Variants in NUCB2 observed in about 807,000 individuals in gnomAD.
NUCB2 encodes nucleobindin 2.
Under a neutral mutation model 57.9 loss-of-function variants are expected in NUCB2, and 48 were observed. The observed-to-expected ratio is 0.83, with a 90% CI of 0.66 to 1.05. The LOEUF (loss-of-function observed/expected upper bound fraction) is 1.05. Ranked by LOEUF, NUCB2 falls within the 50% of genes least tolerant of loss-of-function variation. The pLI, the probability that NUCB2 is intolerant of heterozygous loss-of-function variation, is 0.00. For synonymous variants in NUCB2, 139 were observed against 152.1 expected, an observed-to-expected ratio of 0.91 and a Z score of 0.64; for missense variants, 442 against 476.2, an observed-to-expected ratio of 0.93 and a Z score of 0.67.
intron 2 of NUCB2, among the ~76,000 whole-genome samples, chr11:17,339,033 G>T (rs927946751): frequency 5.3e-5 from 8 of 151,236 alleles, no homozygotes; most frequent in Non-Finnish European, 2.9e-5. Context: ...TGTTGCCCAG[G>T]CTGGAGTGCA....
At chr11:17,280,035 T>C (rs1222091511) in intron 1 of NUCB2, among the ~76,000 whole-genome samples, 1 of 152,142 alleles carries the variant, frequency 6.6e-6, no homozygotes, top group Non-Finnish European at 1.5e-5. Context: ...TCAAGCGATC[T>C]GCCTGTCTTG....
chr11:17,325,510 G>C (rs974372662), intron 11 of NUCB2, among the ~76,000 whole-genome samples: 2 of 151,886 alleles, frequency 1.3e-5, no homozygotes, highest in African/African-American at 4.8e-5. Flanking sequence ...CTCTTTTTTG[G>C]TTTCCATTGG....
At chr11:17,324,681 A>T (rs907112307) in intron 11 of NUCB2, among the ~76,000 whole-genome samples, 1 of 152,148 alleles carries the variant, frequency 6.6e-6, no homozygotes, top group Admixed American at 6.5e-5. Context: ...TGATCCGCCC[A>T]CCTTGGCTTC....
intron 2 of NUCB2, among the ~76,000 whole-genome samples, chr11:17,288,954 T>C (rs868153203): frequency 0.052 from 2,679 of 51,610 alleles, 202 homozygotes; most frequent in Non-Finnish European, 0.056. Context: ...CACACACATA[T>C]ATATATATAT....
intron 11 of NUCB2, among the ~76,000 whole-genome samples, chr11:17,326,734 G>C (rs187113383): frequency 4.1e-4 from 63 of 152,290 alleles, no homozygotes; most frequent in Non-Finnish European, 8.1e-4. Flanking sequence ...GTCAAGAGAA[G>C]TTTATATACG....
chr11:17,301,905 C>A (rs757376901), intron 5 of NUCB2, 35 bp downstream of exon 5: 1 of 1,562,472 alleles, frequency 6.4e-7, no homozygotes, highest in Middle Eastern at 1.7e-4. Context: ...TTTTTTTTTT[C>A]TTTTTTCCTT....
In NUCB2 at chr11:17,312,069, G is replaced by A; in HGVS notation, c.861G>A (p.Met287Ile). 1.9e-6 allele frequency: 3 copies of A among 1,590,724 alleles called. No homozygotes were observed. The highest frequency in any genetic ancestry group is 2.6e-6 in the Non-Finnish European group (3 of 1,168,422). ...VYDPKNEEDD[M>I]VEMEEERLRM... ...ACCCTAAAAATGAAGAGGATGATATGGTAGAAATGGAAGAAGAAAGGCTTA... is the reference window on the plus strand; with the variant it reads ...ACCCTAAAAATGAAGAGGATGATATAGTAGAAATGGAAGAAGAAAGGCTTA... Residue 287 changes from methionine to isoleucine, a missense_variant, in exon 10 of 14, where the codon ATG (methionine) becomes ATA (isoleucine). By Grantham distance (10) the Met-to-Ile change is conservative. Coordinates refer to ENST00000529010, the MANE Select transcript of NUCB2 (RefSeq NM_005013.4).
At chr11:17,325,338 A>G (rs1051199557) in intron 11 of NUCB2, among the ~76,000 whole-genome samples, 3 of 152,150 alleles carry the variant, frequency 2.0e-5, no homozygotes, top group African/African-American at 7.2e-5. Context: ...TAGCTCTAAT[A>G]ATATTTGCTT....
chr11:17,330,068 A>G lies in NUCB2; in HGVS notation c.1003-59A>G, dbSNP rs1396470407. 1.0e-6 allele frequency: 1 copy of G among 966,794 alleles called. No homozygotes were observed. The highest frequency in any genetic ancestry group is 1.5e-6 in the Non-Finnish European group (1 of 661,510). 59.9% of individuals were successfully genotyped at this position (966,794 alleles called of 1,614,324 possible). ...TTGCTAACCATAGAATTTTAAAGCTAAATCAGACTTTATTGTTGTAGTTTT... is the reference window on the plus strand; with the variant it reads ...TTGCTAACCATAGAATTTTAAAGCTGAATCAGACTTTATTGTTGTAGTTTT... On this transcript the variant is annotated intron_variant, in intron 11 of 13. Coordinates refer to ENST00000529010, the MANE Select transcript of NUCB2 (RefSeq NM_005013.4). The surrounding 1 kb of genome is among the most constrained non-coding windows in gnomAD (Gnocchi z 4.3).
chr11:17,333,770 A>T (rs940446850), downstream of NUCB2: 5 of 152,198 alleles, frequency 3.3e-5, no homozygotes, highest in Admixed American at 2.0e-4. Context: ...CTTTACTTAT[A>T]AATGTTTCAG....
intron 1 of NUCB2, among the ~76,000 whole-genome samples, chr11:17,279,512 T>G (rs1942089018): frequency 6.6e-6 from 1 of 152,186 alleles, no homozygotes; most frequent in South Asian, 2.1e-4. Context: ...GTACCAACCC[T>G]TATATACGCT....
rs980510878 is a variant in NUCB2, at chr11:17,281,160, TTCTC to T, written c.-155-1627_-155-1624del. ...TATTTATTTTTTTTAGACAGGGTCTTTCTCTGTCATCCAGGCTGGAGTACATTGG... is the reference window on the plus strand; with the variant it reads ...TATTTATTTTTTTTAGACAGGGTCTTTGTCATCCAGGCTGGAGTACATTGG... On this transcript the variant is annotated intron_variant, in intron 1 of 13. Coordinates refer to ENST00000529010, the MANE Select transcript of NUCB2 (RefSeq NM_005013.4). Among the ~76,000 whole-genome samples the T allele has an allele frequency of 1.2e-3, 188 of 152,278 alleles. 1 individual carries two copies. The highest frequency in any genetic ancestry group is 4.4e-3 in the African/African-American group (182 of 41,554).
Position 17,295,355 on chromosome 11 carries a change from G to T in NUCB2, c.32G>T (p.Cys11Phe), listed in dbSNP as rs975144268. Residue 11 changes from cysteine to phenylalanine, a missense_variant, in exon 3 of 14, where the codon TGC becomes TTC. Physicochemically the swap from Cys to Phe is radical, Grantham distance 205. Coordinates refer to ENST00000529010, the MANE Select transcript of NUCB2 (RefSeq NM_005013.4). The stretch of plus-strand genomic sequence containing the variant: ...TGGAGGACCATCCTGCTACAGTATT[G>T]CTTTCTCTTGATTACATGTTTACTT... MRWRTILLQYCFLLITCLLTA... is the reference protein window; with the variant it reads MRWRTILLQYFFLLITCLLTA... 1.1e-5 allele frequency: 18 copies of T among 1,612,158 alleles called. No individual in the cohort carries two copies. In the East Asian group the frequency reaches 3.8e-4, roughly 34 times the overall value.
At chr11:17,344,361 A>G (rs1952546055) in intron 2 of NUCB2, among the ~76,000 whole-genome samples, 1 of 152,224 alleles carries the variant, frequency 6.6e-6, no homozygotes. Flanking sequence ...ATCTCTGGTT[A>G]GGAGAAAAGT....
chr11:17,335,642 C>T (rs995054861), downstream of NUCB2, among the ~76,000 whole-genome samples: 1 of 152,154 alleles, frequency 6.6e-6, no homozygotes, highest in South Asian at 2.1e-4. Context: ...GCTGGGATTA[C>T]AGGCACCTGC....
Position 17,330,399 on chromosome 11 carries a change from C to A in NUCB2, c.1173+102C>A. On this transcript the variant is annotated intron_variant, in intron 12 of 13. Coordinates refer to ENST00000529010, the MANE Select transcript of NUCB2 (RefSeq NM_005013.4). This position sits in a 1 kb window ranked among gnomAD's most constrained non-coding sequence, Gnocchi z 4.3. The stretch of plus-strand genomic sequence containing the variant: ...TTTCATTGTACTATATAGTACACTG[C>A]TATAGCTATACTATAGTATTTTAAA... The A allele has an allele frequency of 1.4e-5, 9 of 651,130 alleles. No homozygotes were observed. Among genetic ancestry groups the A allele is most frequent in the Non-Finnish European group, 2.0e-5 (8 of 397,944 alleles). The allele number at this position is 651,130 out of a possible 1,614,324, so 40.3% of individuals were successfully genotyped here. A position where few individuals can be genotyped will look rare whatever the true frequency, so the allele number is the denominator to read the frequency against.
chr11:17,326,311 G>GTTTTTTTT (rs60955119), intron 11 of NUCB2, among the ~76,000 whole-genome samples: 7 of 71,282 alleles, frequency 9.8e-5, no homozygotes, highest in Non-Finnish European at 1.4e-4. Flanking sequence ...CATTGTTACC[G>GTTTTTTTT]TTTTTTTTTT....
rs767768972 is a variant in NUCB2 at position 17,301,762 on chromosome 11, G to T, written c.271G>T (p.Glu91Ter). ...TTAACAGAGTGGGAGGCTAAGCAAA[G>T]AACTGGATTTAGTAAGTCACCATGT... is the stretch of plus-strand genomic sequence containing the variant. The part of the protein sequence containing the change: ...EEIKSGRLSK[E>*]LDLVSHHVRT... The change falls in exon 5 of 14, where the codon GAA becomes TAA. Residue 91 changes from glutamate to a stop codon, truncating the protein, a stop_gained. Coordinates refer to ENST00000529010, the MANE Select transcript of NUCB2 (RefSeq NM_005013.4). LOFTEE classifies it high-confidence loss of function. The T allele has an allele frequency of 1.9e-6, 3 of 1,609,258 alleles. No homozygotes were observed. The highest frequency in any genetic ancestry group is 2.6e-6 in the Non-Finnish European group (3 of 1,175,606).
At chr11:17,321,201 T>TG (rs1949972088) in intron 11 of NUCB2, among the ~76,000 whole-genome samples, 2 of 136,564 alleles carry the variant, frequency 1.5e-5, no homozygotes, top group Admixed American at 7.4e-5. Flanking sequence ...TTATTCATTC[T>TG]ATTTTTTTTT....
Sources: gnomAD v4.1 joint callset for allele counts (sites outside exome capture counted in the v4.1 genomes callset) on GRCh38, gnomAD v4.1.1 for gene constraint, Gnocchi (gnomAD v3.1) non-coding constraint, MANE v1.5 for transcripts, NCBI Gene and HGNC (gene_info 2026-07-23, HGNC 2026-07-21) for gene names.